Variants in TTC28 observed in about 807,000 individuals in gnomAD.
TTC28 encodes the protein tetratricopeptide repeat protein 28.
A neutral mutation model predicts 198.0 loss-of-function variants in TTC28; 61 were observed. The ratio of observed to expected loss-of-function variants is 0.31; its 90% CI spans 0.25 to 0.38. The LOEUF (loss-of-function observed/expected upper bound fraction) is 0.38. Among genes scored for constraint, TTC28 ranks in the 10% least tolerant of loss-of-function variants. TTC28 has a pLI of 1.00. For missense variants in TTC28, 2,678 were observed against 3,164.0 expected (o/e 0.85, Z 3.69); for synonymous variants, 1,171 against 1,297.8 (o/e 0.90, Z 2.10).
chr22:28,159,658 C>CAAAAAAAAAAAAAAAAA (rs135652), intron 6 of TTC28, among the ~76,000 whole-genome samples: 1 of 70,096 alleles, frequency 1.4e-5, no homozygotes. Flanking sequence ...GACTCTGTCT[C>CAAAAAAAAAAAAAAAAA]AAAAAAAAAA....
chr22:28,392,527 C>T (rs1456315123), intron 2 of TTC28, among the ~76,000 whole-genome samples: 2 of 152,164 alleles, frequency 1.3e-5, no homozygotes, highest in East Asian at 1.9e-4. Flanking sequence ...AAGCCAGGTG[C>T]GGGATATAAT....
Position 28,163,382 on chromosome 22 carries a change from G to A in TTC28, c.1151C>T (p.Ala384Val), listed in dbSNP as rs780873705. ...VQCHEQHLKI[A>V]KDLGNKREEA... ...TTCTCGCTTGTTCCCCAGGTCCTTG[G>A]CTATCTTCAGATGCTGCTCATGGCA... is the stretch of plus-strand genomic sequence containing the variant. The change falls in exon 6 of 23, where the codon GCC becomes GTC. Residue 384 changes from alanine (A) to valine (V), a missense_variant. Transcript: ENST00000397906. 8 of 1,551,854 alleles carry A rather than the reference G, an allele frequency of 5.2e-6. No homozygotes were observed. In the South Asian group the frequency reaches 7.1e-5, roughly 14 times the overall value.
intron 2 of TTC28, among the ~76,000 whole-genome samples, chr22:28,563,018 G>A (rs139590323): frequency 1.3e-3 from 193 of 152,190 alleles, no homozygotes; most frequent in African/African-American, 4.3e-3. Flanking sequence ...AGCTACTTAG[G>A]AGGGTGAGGC....
At chr22:28,360,183 A>C (rs530159857) in intron 2 of TTC28, among the ~76,000 whole-genome samples, 1 of 152,094 alleles carries the variant, frequency 6.6e-6, no homozygotes, top group African/African-American at 2.4e-5. Context: ...AGCAGCCAGG[A>C]TCTTTCTTCA....
In TTC28 at chr22:28,368,752, C is replaced by G. The variant is rs182492557; in HGVS notation, c.382-62109G>C. 9.1e-4 allele frequency among the ~76,000 whole-genome samples: 139 copies of G among 151,942 alleles called. 1 individual carries two copies. Among genetic ancestry groups the G allele is most frequent in the Non-Finnish European group, 1.5e-3 (101 of 67,872 alleles). On this transcript the variant is annotated intron_variant, in intron 2 of 22. Coordinates refer to ENST00000397906, the MANE Select transcript of TTC28 (RefSeq NM_001145418.2). ...CAGTAGCATTTCTATATGCCAACAA[C>G]AAGCAATCTGAAAAAGAAATCAAAA...
In TTC28 at chr22:28,593,445, G is replaced by A. The variant is rs941709711; in HGVS notation, c.381+36107C>T. 2.7e-5 allele frequency among the ~76,000 whole-genome samples: 4 copies of A among 149,978 alleles called. No homozygotes were observed. The East Asian group carries it at 7.9e-4, about 30-fold the overall frequency. ...AGCAACCAGATAGACAGACAGGTAG[G>A]TAGATAGGTAGATAGGTAGGTAGCT... is the stretch of plus-strand genomic sequence containing the variant. On this transcript the variant is annotated intron_variant, in intron 2 of 22. Coordinates refer to ENST00000397906, the MANE Select transcript of TTC28 (RefSeq NM_001145418.2).
chr22:28,161,901 AGGAGGGAG>A (rs59668076), intron 6 of TTC28, among the ~76,000 whole-genome samples: 2 of 115,776 alleles, frequency 1.7e-5, no homozygotes, highest in African/African-American at 3.4e-5. Flanking sequence ...AAGGGAAGGA[AGGAGGGAG>A]GGAGGGAGGG....
At chr22:28,028,955 G>A (rs1184158158) in intron 13 of TTC28, 1 of 470,626 alleles carries the variant, frequency 2.1e-6, no homozygotes, top group East Asian at 6.9e-5. Flanking sequence ...TGAGTGGCAA[G>A]GCCAGAGGCT....
intron 2 of TTC28, among the ~76,000 whole-genome samples, chr22:28,604,621 G>A (rs2146129760): frequency 6.6e-6 from 1 of 152,008 alleles, no homozygotes; most frequent in Admixed American, 6.6e-5. Flanking sequence ...GTGGGAGCCT[G>A]TAATCCCAGC....
chr22:28,639,346 A>C (rs2051324930), intron 1 of TTC28, among the ~76,000 whole-genome samples: 2 of 152,238 alleles, frequency 1.3e-5, no homozygotes, highest in African/African-American at 4.8e-5. Flanking sequence ...CCAACAATTT[A>C]TGAGTGTAAC....
intron 12 of TTC28, among the ~76,000 whole-genome samples, chr22:28,062,634 C>T (rs373264316): frequency 3.3e-5 from 5 of 151,868 alleles, no homozygotes; most frequent in African/African-American, 1.2e-4. Context: ...GTACTTGGCC[C>T]GAGATTGATA....
rs768269231 is a variant in TTC28, at chr22:28,335,335, C to T, written c.382-28692G>A. ...TTGGCTTAGGATTGACTTGGCAATG[C>T]GGGCTCTTTTTTGGTTCCATATGAA... On this transcript the variant is annotated intron_variant, in intron 2 of 22. Transcript: ENST00000397906. Among the ~76,000 whole-genome samples the T allele has an allele frequency of 2.8e-4, 43 of 152,200 alleles. No homozygotes were observed. In the South Asian group the frequency reaches 3.1e-3, roughly 11 times the overall value.
rs190988568 is a variant in TTC28, at chr22:28,296,240, G to A, written c.891C>T (p.His297=). The A allele has an allele frequency of 1.6e-3, 2,428 of 1,550,836 alleles. 6 individuals are homozygous for A. The highest frequency in any genetic ancestry group is 2.0e-3 in the Non-Finnish European group (2,283 of 1,146,542). The change falls in exon 5 of 23, where the codon CAC becomes CAT. Residue 297 remains histidine (H), a synonymous_variant. Coordinates refer to ENST00000397906, the MANE Select transcript of TTC28 (RefSeq NM_001145418.2). ...KGNYREALTN[H]RHQLVLAMKL... is the part of the protein sequence containing the mutation. ...TCATGGCGAGTACCAACTGATGCCT[G>A]TGGTTAGTGAGAGCCTCCCGGTAAT... is the stretch of plus-strand genomic sequence containing the variant.
intron 2 of TTC28, among the ~76,000 whole-genome samples, chr22:28,583,808 C>T (rs1251760352): frequency 6.6e-6 from 1 of 152,024 alleles, no homozygotes; most frequent in African/African-American, 2.4e-5. Context: ...AAAAATATCT[C>T]TTTCAACTTA....
intron 5 of TTC28, among the ~76,000 whole-genome samples, chr22:28,205,879 T>C (rs746965364): frequency 1.3e-5 from 2 of 151,940 alleles, no homozygotes; most frequent in Non-Finnish European, 2.9e-5. Context: ...TGAAATAACA[T>C]TGATTTCCAC....
intron 5 of TTC28, among the ~76,000 whole-genome samples, chr22:28,185,739 G>T (rs1924137011): frequency 6.6e-6 from 1 of 152,162 alleles, no homozygotes; most frequent in South Asian, 2.1e-4. Flanking sequence ...AATGAATTAT[G>T]ATATATCAGA....
intron 6 of TTC28, among the ~76,000 whole-genome samples, chr22:28,150,985 T>A (rs1601389556): frequency 6.6e-6 from 1 of 152,236 alleles, no homozygotes; most frequent in East Asian, 1.9e-4. Context: ...CTTTCTGAAG[T>A]CCTAACAGAA....
Position 28,025,046 on chromosome 22 carries a change from C to T in TTC28, c.4073+5180G>A, listed in dbSNP as rs146068973. On this transcript the variant is annotated intron_variant, in intron 13 of 22. Transcript: ENST00000397906. Reference sequence around the variant, plus strand: ...AGCTGGGTATGCAATCTTGGGGGTTCAAAGCCAGGGCTATAGCTGTAGCTG... The same window carrying T: ...AGCTGGGTATGCAATCTTGGGGGTTTAAAGCCAGGGCTATAGCTGTAGCTG... Among the ~76,000 whole-genome samples, 1,428 of 152,280 alleles carry T rather than the reference C, an allele frequency of 9.4e-3. 25 individuals are homozygous for T. The highest frequency in any genetic ancestry group is 0.032 in the African/African-American group (1,330 of 41,556).
chr22:28,168,845 T>C (rs1268652372), intron 5 of TTC28, among the ~76,000 whole-genome samples: 4 of 152,032 alleles, frequency 2.6e-5, no homozygotes, highest in Non-Finnish European at 5.9e-5. Flanking sequence ...ACTAAAGAGC[T>C]TCTGCACAGC....
Sources: allele counts gnomAD v4.1 joint callset (sites outside exome capture counted in the v4.1 genomes callset), GRCh38; gene constraint gnomAD v4.1.1; transcripts MANE v1.5; gene names NCBI Gene and HGNC (gene_info 2026-07-23, HGNC 2026-07-21).